The following WNK2 variants were observed in gnomAD, a reference collection of about 807,000 sequenced individuals.
The protein encoded by WNK2 is serine/threonine-protein kinase WNK2.
Under a neutral mutation model 192.1 loss-of-function variants are expected in WNK2, and 67 were observed. The observed-to-expected ratio is 0.35, with a 90% CI of 0.29 to 0.43. WNK2 has a LOEUF of 0.43. Ranked by LOEUF, WNK2 falls within the 20% of genes least tolerant of loss-of-function variation. The probability of loss-of-function intolerance (pLI) is 1.00; values close to 1 mark genes in which losing one functional copy is unlikely to be tolerated. For missense variants in WNK2, 2,698 were observed against 3,089.7 expected (o/e 0.87, Z 3.01); for synonymous variants, 1,439 against 1,393.9 (o/e 1.03, Z -0.72).
At chr9:93,227,933 C>T (rs1838096852) in intron 2 of WNK2, among the ~76,000 whole-genome samples, 1 of 152,222 alleles carries the variant, frequency 6.6e-6, no homozygotes. Context: ...TTAGGAAGGG[C>T]AGTCCCCATC....
rs116837701 is a variant in WNK2 at position 93,218,346 on chromosome 9, C to T, written c.682-11350C>T. 1.4e-3 allele frequency among the ~76,000 whole-genome samples: 211 copies of T among 152,264 alleles called. 1 individual carries two copies. Among genetic ancestry groups the T allele is most frequent in the Middle Eastern group, 0.01 (3 of 294 alleles). On this transcript the variant is annotated intron_variant, in intron 2 of 29. Transcript: ENST00000427277. ...CCAAATCTATCTTTAGGTGTCCCTGCGGGAAGTGGCCATGGGGTGGGGCTG... is the reference window on the plus strand; with the variant it reads ...CCAAATCTATCTTTAGGTGTCCCTGTGGGAAGTGGCCATGGGGTGGGGCTG...
chr9:93,317,563 C>T lies in WNK2; in HGVS notation c.6560C>T (p.Pro2187Leu). 6.2e-7 allele frequency: 1 copy of T among 1,613,538 alleles called. No homozygotes were observed. The highest frequency in any genetic ancestry group is 1.1e-5 in the South Asian group (1 of 91,076). ...RAGVGMPRLP[P>L]APGPLSTTVI... is the part of the protein sequence containing the mutation. ...GGAGTGGGGATGCCACGTCTGCCCC[C>T]AGCGCCCGGCCCTCTGTCCACCACG... Residue 2187 changes from proline to leucine, a missense_variant, in exon 29 of 30, where the codon CCA becomes CTA. Coordinates refer to ENST00000427277, the MANE Select transcript of WNK2 (RefSeq NM_006648.4).
chr9:93,218,271 T>C (rs779187703), intron 2 of WNK2, among the ~76,000 whole-genome samples: 50 of 152,130 alleles, frequency 3.3e-4, no homozygotes, highest in Admixed American at 6.5e-4. Context: ...ACAGGAGCTG[T>C]TCTTGATGGT....
chr9:93,288,735 G>A, intron 19 of WNK2, 53 bp from the exon 20 acceptor site: 1 of 1,504,752 alleles, frequency 6.6e-7, no homozygotes, highest in African/African-American at 1.4e-5. Flanking sequence ...GAAGAAACAG[G>A]TAGATAGGAC....
chr9:93,288,789 T>C lies in WNK2; in HGVS notation c.4035T>C (p.Asp1345=). The part of the protein sequence containing the change: ...LSSLPPEASQ[D]SAPYKDQLSS... ...AGGCATTTTCCCCATTTCTTCTAGA[T>C]TCAGCGCCCTATAAAGACCAGCTGT... Residue 1345 remains aspartate, a splice_region_variant and synonymous_variant, in exon 20 of 30, where the codon GAT becomes GAC. Transcript: ENST00000427277. The C allele has an allele frequency of 6.2e-7, 1 of 1,609,044 alleles. No individual in the cohort carries two copies. The highest frequency in any genetic ancestry group is 8.5e-7 in the Non-Finnish European group (1 of 1,178,248).
At chr9:93,213,244 G>A (rs1835112534) in intron 2 of WNK2, among the ~76,000 whole-genome samples, 1 of 152,184 alleles carries the variant, frequency 6.6e-6, no homozygotes, top group South Asian at 2.1e-4. Flanking sequence ...GGAGGGCAGG[G>A]TAGCAGGTGA....
chr9:93,229,769 C>A lies in WNK2; in HGVS notation c.755C>A (p.Pro252His), dbSNP rs761729491. 9.3e-6 allele frequency: 15 copies of A among 1,613,702 alleles called. No homozygotes were observed. In the Admixed American group the frequency reaches 2.5e-4, roughly 27 times the overall value. ...EAEMLKGLQH[P>H]NIVRFYDFWE... The stretch of plus-strand genomic sequence containing the variant: ...GAGATGCTGAAAGGCCTGCAGCACC[C>A]CAACATCGTGCGCTTCTACGACTTC... Residue 252 changes from proline (P) to histidine (H), a missense_variant, in exon 3 of 30, where the codon CCC becomes CAC. Transcript: ENST00000427277. The surrounding 1 kb of genome is among the most constrained non-coding windows in gnomAD (Gnocchi z 4.9).
rs1441040739 is a variant in WNK2, at chr9:93,184,939, GA to G, written c.11del (p.Asp4ValfsTer11). The G allele has an allele frequency of 8.1e-7, 1 of 1,229,840 alleles. No individual in the cohort carries two copies. Among genetic ancestry groups the G allele is most frequent in the African/African-American group, 1.6e-5 (1 of 63,788 alleles). The allele number at this position is 1,229,840 out of a possible 1,614,324, so 76.2% of individuals were successfully genotyped here. On this transcript the variant is annotated frameshift_variant, in exon 2 of 30. Coordinates refer to ENST00000427277, the MANE Select transcript of WNK2 (RefSeq NM_006648.4). LOFTEE classifies it high-confidence loss of function. ...TCCTTGGCCCACAGAGATGGACGGC[GA>G]TGGCGGCCGCCGAGACGTCCCCGGC... MDG[D>X]GGRRDVPGTL...
chr9:93,257,501 A>T lies in WNK2; in HGVS notation c.2382+362A>T, dbSNP rs1843497995. ...AGGGCGGGCAGCCCAGTACCCCATC[A>T]CCTGGCACCCTCCCAGCAAGGTGCC... On this transcript the variant is annotated intron_variant, in intron 11 of 29. Coordinates refer to ENST00000427277, the MANE Select transcript of WNK2 (RefSeq NM_006648.4). This position sits in a 1 kb window ranked among gnomAD's most constrained non-coding sequence, Gnocchi z 4.7. 6.6e-6 allele frequency among the ~76,000 whole-genome samples: 1 copy of T among 151,866 alleles called. No homozygotes were observed. Among genetic ancestry groups the T allele is most frequent in the South Asian group, 2.1e-4 (1 of 4,808 alleles).
At chr9:93,281,697 G>T (rs1010009003) in intron 19 of WNK2, among the ~76,000 whole-genome samples, 4 of 152,046 alleles carry the variant, frequency 2.6e-5, no homozygotes, top group African/African-American at 9.7e-5. Context: ...AGTTAAAAAA[G>T]AAATCTGCAC....
At chr9:93,210,111 C>T (rs1421082792) in intron 2 of WNK2, among the ~76,000 whole-genome samples, 1 of 152,178 alleles carries the variant, frequency 6.6e-6, no homozygotes, top group Admixed American at 6.5e-5. Flanking sequence ...GAGCAGGGCC[C>T]ATGGCTGGTG....
intron 29 of WNK2, chr9:93,319,511 AT>A: frequency 1.5e-6 from 1 of 682,986 alleles, no homozygotes; most frequent in Non-Finnish European, 1.8e-6. Flanking sequence ...TCTGCACCTG[AT>A]TACACTTAGC....
rs538166647 is a variant in WNK2 at position 93,312,781 on chromosome 9, C to G, written c.6516+4197C>G. 7.2e-5 allele frequency among the ~76,000 whole-genome samples: 11 copies of G among 152,290 alleles called. No homozygotes were observed. In the South Asian group the frequency reaches 2.1e-3, roughly 29 times the overall value. ...TGGTCTTGGCCCCCTTGTGGAGAGT[C>G]ACTGCAGCATAAGAGTTAGCCTTCA... On this transcript the variant is annotated intron_variant, in intron 28 of 29. Transcript: ENST00000427277.
chr9:93,275,599 CA>C (rs1294239880), intron 19 of WNK2, among the ~76,000 whole-genome samples: 5 of 152,012 alleles, frequency 3.3e-5, no homozygotes, highest in South Asian at 2.1e-4. Context: ...CTGTCTTAGC[CA>C]GATTTAAAGA....
At chr9:93,317,686 A>G in intron 29 of WNK2, 55 bp downstream of exon 29, 1 of 1,569,234 alleles carries the variant, frequency 6.4e-7, no homozygotes, top group Non-Finnish European at 8.7e-7. Flanking sequence ...CTGGGTCAGT[A>G]CAGAGGCCTG....
At chr9:93,299,382 G>A in intron 25 of WNK2, 121 bp downstream of exon 25, 1 of 1,050,490 alleles carries the variant, frequency 9.5e-7, no homozygotes, top group Non-Finnish European at 1.3e-6. Context: ...CTGTTGAGAG[G>A]CTTCTTTTAA....
At chr9:93,221,783 C>T (rs186122933) in intron 2 of WNK2, among the ~76,000 whole-genome samples, 2 of 152,168 alleles carry the variant, frequency 1.3e-5, no homozygotes, top group South Asian at 2.1e-4. Context: ...GAGAGGCTTT[C>T]GGGAAGAGCC....
Position 93,261,912 on chromosome 9 carries a change from G to T in WNK2, c.3165G>T (p.Pro1055=), listed in dbSNP as rs777267233. Residue 1055 remains proline (P), a synonymous_variant, in exon 13 of 30, where the codon CCG becomes CCT. Transcript: ENST00000427277. ...PPAAVLSPPL[P]EVLLPAAPEL... ...CTGCGGTCCTCTCGCCGCCTCTGCC[G>T]GAAGTGCTGCTGCCTGCCGCCCCTG... The T allele has an allele frequency of 6.2e-7, 1 of 1,607,456 alleles. No individual in the cohort carries two copies. The highest frequency in any genetic ancestry group is 2.2e-5 in the East Asian group (1 of 44,862).
Sources: gnomAD v4.1 joint callset for allele counts (sites outside exome capture counted in the v4.1 genomes callset) on GRCh38, gnomAD v4.1.1 for gene constraint, Gnocchi (gnomAD v3.1) non-coding constraint, MANE v1.5 for transcripts, NCBI Gene and HGNC (gene_info 2026-07-23, HGNC 2026-07-21) for gene names.